Variants in PAX7 observed in about 807,000 individuals in gnomAD.
The protein encoded by PAX7 is paired box protein Pax-7.
Under a neutral mutation model 50.7 loss-of-function variants are expected in PAX7, and 18 were observed. The ratio of observed to expected loss-of-function variants is 0.36; its 90% CI spans 0.25 to 0.53. The LOEUF (loss-of-function observed/expected upper bound fraction) is 0.53. PAX7 is among the 20% of genes least tolerant of loss of function. The pLI, the probability that PAX7 is intolerant of heterozygous loss-of-function variation, is 0.93. For missense variants in PAX7, 644 were observed against 702.9 expected (o/e 0.92, Z 0.95); for synonymous variants, 310 against 290.4 (o/e 1.07, Z -0.69).
rs2089205325 is a variant in PAX7 at position 18,700,540 on chromosome 1, G to C, written c.787-113G>C. The C allele has an allele frequency of 1.0e-6, 1 of 957,870 alleles. No homozygotes were observed. Among genetic ancestry groups the C allele is most frequent in the East Asian group, 2.9e-5 (1 of 34,752 alleles). 59.3% of individuals were successfully genotyped at this position (957,870 alleles called of 1,614,324 possible). On this transcript the variant is annotated intron_variant, in intron 5 of 8. Coordinates refer to ENST00000420770, the MANE Select transcript of PAX7 (RefSeq NM_001135254.2). The surrounding 1 kb of genome is among the most constrained non-coding windows in gnomAD (Gnocchi z 4.8). ...CTGCACAATGCCGGGGCCTGCAGGA[G>C]GATGCTGGCTGGATCAGAGGGTGAT...
At chr1:18,650,234 CAA>C (rs2088411107) in intron 4 of PAX7, among the ~76,000 whole-genome samples, 1 of 152,224 alleles carries the variant, frequency 6.6e-6, no homozygotes, top group Non-Finnish European at 1.5e-5. Context: ...TATCTGGTGA[CAA>C]ATGATTATCC....
chr1:18,718,834 G>A (rs975631395), intron 7 of PAX7, among the ~76,000 whole-genome samples: 1 of 151,972 alleles, frequency 6.6e-6, no homozygotes, highest in Non-Finnish European at 1.5e-5. Context: ...TAGAGACAGG[G>A]TTTCACCATG....
chr1:18,683,158 G>A (rs2100273401), intron 4 of PAX7, among the ~76,000 whole-genome samples: 1 of 152,260 alleles, frequency 6.6e-6, no homozygotes, highest in South Asian at 2.1e-4. Flanking sequence ...CCCAGAGTAG[G>A]GCTGGGTTGA....
At position 18,745,733 on chromosome 1, in the gene PAX7, A is replaced by G. The variant is rs1931413927; in HGVS notation, c.*804A>G. 4.3e-6 allele frequency: 1 copy of G among 231,490 alleles called. No homozygotes were observed. The highest frequency in any genetic ancestry group is 8.5e-6 in the Non-Finnish European group (1 of 116,988). The allele number at this position is 231,490 out of a possible 1,614,324, so 14.3% of individuals were successfully genotyped here. On this transcript the variant is annotated 3_prime_UTR_variant, in exon 9 of 9. Coordinates refer to ENST00000420770, the MANE Select transcript of PAX7 (RefSeq NM_001135254.2). ...GCAGAGGGCTCTTATCCTGAAGCCC[A>G]AGTTCCCAGCATGTCCACTCCATCT...
At chr1:18,712,613 G>T (rs897424625) in intron 7 of PAX7, among the ~76,000 whole-genome samples, 7 of 152,198 alleles carry the variant, frequency 4.6e-5, no homozygotes, top group African/African-American at 1.7e-4. Flanking sequence ...AGGCCTGGCG[G>T]ATTGCCTGGC....
chr1:18,718,442 A>G (rs1279124965), intron 7 of PAX7, among the ~76,000 whole-genome samples: 2 of 152,056 alleles, frequency 1.3e-5, no homozygotes, highest in African/African-American at 4.8e-5. Flanking sequence ...CCATGGTGGG[A>G]CTGGGGAAAT....
At chr1:18,687,762 C>T (rs528754491) in intron 4 of PAX7, among the ~76,000 whole-genome samples, 77 of 152,296 alleles carry the variant, frequency 5.1e-4, no homozygotes, top group Admixed American at 2.6e-3. Context: ...CAACCTCCAA[C>T]ATCCAAGAGG....
intron 4 of PAX7, among the ~76,000 whole-genome samples, chr1:18,665,828 CCTGA>C (rs1330582911): frequency 6.6e-6 from 1 of 152,000 alleles, no homozygotes; most frequent in Non-Finnish European, 1.5e-5. Context: ...CACCACCATG[CCTGA>C]CTGATTTTTT....
chr1:18,735,655 C>G lies in PAX7; in HGVS notation c.1179C>G (p.Pro393=). 3.7e-6 allele frequency: 6 copies of G among 1,613,718 alleles called. No homozygotes were observed. Among genetic ancestry groups the G allele is most frequent in the Non-Finnish European group, 5.1e-6 (6 of 1,179,788 alleles). Residue 393 remains proline, a synonymous_variant, in exon 8 of 9, where the codon CCC becomes CCG. Transcript: ENST00000420770. This position sits in a 1 kb window ranked among gnomAD's most constrained non-coding sequence, Gnocchi z 4.0. ...AGGTGATGAGCATCTTGGGCAACCCCAGTGCGGTGCCCCCGCAGCCACAGG... is the reference window on the plus strand; with the variant it reads ...AGGTGATGAGCATCTTGGGCAACCCGAGTGCGGTGCCCCCGCAGCCACAGG... ...SPQVMSILGN[P]SAVPPQPQAD...
chr1:18,641,772 G>C (rs1447164104), intron 4 of PAX7, among the ~76,000 whole-genome samples: 2 of 152,208 alleles, frequency 1.3e-5, no homozygotes, highest in Non-Finnish European at 2.9e-5. Flanking sequence ...AGACAGTATT[G>C]GGAAGTTATT....
intron 6 of PAX7, among the ~76,000 whole-genome samples, chr1:18,702,760 G>T (rs1437110563): frequency 6.6e-6 from 1 of 152,162 alleles, no homozygotes; most frequent in East Asian, 1.9e-4. Flanking sequence ...AAAACAGACT[G>T]GGTAGATTAA....
chr1:18,744,659 C>CGGACGGAT (rs1553145033), intron 8 of PAX7, among the ~76,000 whole-genome samples, 155 bp from the exon 9 acceptor site: 22 of 91,004 alleles, frequency 2.4e-4, no homozygotes, highest in Middle Eastern at 6.3e-3. Flanking sequence ...GTAGACAGGA[C>CGGACGGAT]GGATGGATGG....
intron 4 of PAX7, among the ~76,000 whole-genome samples, chr1:18,683,804 C>T (rs956902216): frequency 6.6e-6 from 1 of 152,164 alleles, no homozygotes. Context: ...CAAGCCACCG[C>T]ACTCAAGTGT....
intron 4 of PAX7, among the ~76,000 whole-genome samples, chr1:18,680,013 G>A (rs2088874468): frequency 6.6e-6 from 1 of 152,188 alleles, no homozygotes; most frequent in Admixed American, 6.5e-5. Context: ...TTCTTGCCTT[G>A]CAGTAATTCC....
chr1:18,706,516 C>T (rs1326059146), intron 7 of PAX7, among the ~76,000 whole-genome samples: 1 of 140,126 alleles, frequency 7.1e-6, no homozygotes, highest in East Asian at 2.1e-4. Flanking sequence ...GGCTGGAGTG[C>T]AGTGGCGCGA....
At position 18,657,047 on chromosome 1, in the gene PAX7, GA is replaced by G. The variant is rs377438724; in HGVS notation, c.586+20678del. 1.5e-3 allele frequency among the ~76,000 whole-genome samples: 232 copies of G among 152,212 alleles called. 1 individual carries two copies. Among genetic ancestry groups the G allele is most frequent in the South Asian group, 0.01 (49 of 4,818 alleles). ...GTCAAGAAGTGAGTTAACACATATG[GA>G]ATCAAAACTAGTATGGTGTCTGTTG... On this transcript the variant is annotated intron_variant, in intron 4 of 8. Transcript: ENST00000420770.
At chr1:18,709,296 T>A (rs1429465870) in intron 7 of PAX7, among the ~76,000 whole-genome samples, 1 of 152,170 alleles carries the variant, frequency 6.6e-6, no homozygotes, top group Non-Finnish European at 1.5e-5. Context: ...CCGCTCCTGG[T>A]GCTCTTTTGT....
In PAX7 at chr1:18,717,136, C is replaced by G. The variant is rs1013066452; in HGVS notation, c.1155+13840C>G. ...ACAAAACCACTCAGTCAAAGTGATT[C>G]CCAACAACTGTCTCCCCGAGATAAG... is the stretch of plus-strand genomic sequence containing the variant. On this transcript the variant is annotated intron_variant, in intron 7 of 8. Coordinates refer to ENST00000420770, the MANE Select transcript of PAX7 (RefSeq NM_001135254.2). Among the ~76,000 whole-genome samples the G allele has an allele frequency of 9.8e-5, 15 of 152,288 alleles. No individual in the cohort carries two copies. In the South Asian group the frequency reaches 2.9e-3, roughly 29 times the overall value.
intron 4 of PAX7, among the ~76,000 whole-genome samples, chr1:18,690,382 T>A (rs2089049097): frequency 6.6e-6 from 1 of 152,218 alleles, no homozygotes. Context: ...TCTCTATGCT[T>A]CCCGCAGCTC....
Sources: allele counts gnomAD v4.1 joint callset (sites outside exome capture counted in the v4.1 genomes callset), GRCh38; gene constraint gnomAD v4.1.1; non-coding constraint Gnocchi (gnomAD v3.1); transcripts MANE v1.5; gene names NCBI Gene and HGNC (gene_info 2026-07-23, HGNC 2026-07-21).